PRELID2: variants seen among roughly 807,000 people sequenced by gnomAD.
The protein encoded by PRELID2 is PRELI domain containing 2.
In PRELID2, 25 loss-of-function variants were observed where a neutral mutation model predicts 28.4. The observed-to-expected ratio is 0.88, with a 90% CI of 0.64 to 1.23. The LOEUF (loss-of-function observed/expected upper bound fraction) is 1.23, where lower values mean the gene tolerates loss of function less well. Ranked by LOEUF, PRELID2 falls within the 50% of genes most tolerant of loss-of-function variation. PRELID2 has a pLI of 0.00. For synonymous variants in PRELID2, 76 were observed against 71.6 expected, an observed-to-expected ratio of 1.06 and a Z score of -0.31; for missense variants, 201 against 214.4, an observed-to-expected ratio of 0.94 and a Z score of 0.39.
chr5:145,275,304 A>G, the PRELID2 span, among the ~76,000 whole-genome samples: 1 of 152,076 alleles, frequency 6.6e-6, no homozygotes, highest in Non-Finnish European at 1.5e-5. Flanking sequence ...GGCATCCAAT[A>G]AGGGATTGTA....
At chr5:145,362,545 T>C in the PRELID2 span, among the ~76,000 whole-genome samples, 1 of 152,126 alleles carries the variant, frequency 6.6e-6, no homozygotes, top group Non-Finnish European at 1.5e-5. Flanking sequence ...GAACCTGGTA[T>C]ATAATATGCA....
At chr5:145,343,493 C>T in the PRELID2 span, among the ~76,000 whole-genome samples, 1 of 151,206 alleles carries the variant, frequency 6.6e-6, no homozygotes, top group Non-Finnish European at 1.5e-5. Context: ...CATAACATGT[C>T]AAAACCTGTG....
chr5:145,461,028 G>C, the PRELID2 span, among the ~76,000 whole-genome samples: 2 of 152,166 alleles, frequency 1.3e-5, no homozygotes, highest in South Asian at 4.1e-4. Flanking sequence ...TTGTGTGGGA[G>C]CAATTGATAA....
At position 145,782,144 on chromosome 5, in the gene PRELID2, T is replaced by C. The variant is rs150667596; in HGVS notation, c.474+14298A>G. On this transcript the variant is annotated intron_variant, in intron 5 of 6. Transcript: ENST00000683046. ...TTGAAGATGAGGACATTTTTCCCTA[T>C]AGTCTAACAAGTATCTACTTCAAAG... Among the ~76,000 whole-genome samples the C allele has an allele frequency of 6.9e-4, 105 of 152,270 alleles. 1 individual carries two copies. The East Asian group carries it at 0.017, about 24-fold the overall frequency.
intron 1 of PRELID2, among the ~76,000 whole-genome samples, chr5:145,691,471 C>T (rs111404289): frequency 0.034 from 5,165 of 152,018 alleles, 295 homozygotes; most frequent in African/African-American, 0.12. Context: ...GTTGGGAGGC[C>T]GAGGCAGGGG....
At chr5:145,257,550 G>T in the PRELID2 span, among the ~76,000 whole-genome samples, 2 of 152,104 alleles carry the variant, frequency 1.3e-5, no homozygotes, top group East Asian at 3.9e-4. Flanking sequence ...ATAAGTCGGA[G>T]ATTGCCAGAC....
chr5:145,640,343 G>T (rs561631634), intron 1 of PRELID2, among the ~76,000 whole-genome samples: 45 of 152,210 alleles, frequency 3.0e-4, no homozygotes, highest in Non-Finnish European at 5.7e-4. Context: ...GGGCGTGGTG[G>T]CGGGCGCCTG....
At chr5:145,611,172 AT>A (rs1017277061) in intron 1 of PRELID2, among the ~76,000 whole-genome samples, 26 of 149,142 alleles carry the variant, frequency 1.7e-4, no homozygotes, top group South Asian at 8.5e-4. Flanking sequence ...AGCAAGGTCA[AT>A]TTTTTTTTTA....
In PRELID2 at chr5:145,601,401, T is replaced by C. The variant is rs920986368; in HGVS notation, n.71-128086A>G. Among the ~76,000 whole-genome samples, 74 of 151,978 alleles carry C rather than the reference T, an allele frequency of 4.9e-4. 1 individual carries two copies. The highest frequency in any genetic ancestry group is 1.5e-5 in the Non-Finnish European group (1 of 68,010). ...CCAGCCCCGTTGATGGTTTTAGAAA[T>C]ATCAAAATAAGTCTAATTAGAATCC... On this transcript the variant is annotated intron_variant and non_coding_transcript_variant, in intron 1 of 2. Transcript: ENST00000510259.
chr5:145,234,094 C>G, the PRELID2 span, among the ~76,000 whole-genome samples: 1 of 152,108 alleles, frequency 6.6e-6, no homozygotes, highest in Non-Finnish European at 1.5e-5. Flanking sequence ...AGGTTATATG[C>G]AAGAGAATAT....
chr5:145,480,057 T>C (rs2126615887), intron 1 of PRELID2, among the ~76,000 whole-genome samples: 1 of 152,360 alleles, frequency 6.6e-6, no homozygotes, highest in African/African-American at 2.4e-5. Flanking sequence ...GACTCAAGCA[T>C]TAGCTTGCTC....
chr5:145,493,188 G>C (rs1325700233), intron 1 of PRELID2, among the ~76,000 whole-genome samples: 1 of 96,074 alleles, frequency 1.0e-5, no homozygotes, highest in East Asian at 2.4e-4. Context: ...GGTGGGATGA[G>C]CCCTGGAGAG....
the PRELID2 span, among the ~76,000 whole-genome samples, chr5:145,256,979 G>C: frequency 6.6e-6 from 1 of 151,814 alleles, no homozygotes; most frequent in Non-Finnish European, 1.5e-5. Flanking sequence ...TACATGAAGT[G>C]TTTTTAAAAA....
chr5:145,264,969 TAAAAAAAA>T, the PRELID2 span, among the ~76,000 whole-genome samples: 60 of 56,882 alleles, frequency 1.1e-3, no homozygotes, highest in African/African-American at 3.4e-3. Flanking sequence ...AGTGCAACTC[TAAAAAAAA>T]AAAAAAAAAA....
At chr5:145,817,198 A>AAAAAAAAAAAATATATAT (rs1365517052) in intron 4 of PRELID2, among the ~76,000 whole-genome samples, 1 of 70,082 alleles carries the variant, frequency 1.4e-5, no homozygotes, top group Non-Finnish European at 3.3e-5. Context: ...TTCAAAAAAA[A>AAAAAAAAAAAATATATAT]ATAAATAAAT....
intron 1 of PRELID2, among the ~76,000 whole-genome samples, chr5:145,573,873 GAA>G (rs1049388244): frequency 2.6e-5 from 4 of 152,158 alleles, no homozygotes; most frequent in African/African-American, 9.7e-5. Context: ...TTGCCTCCAA[GAA>G]AAGAGGAGAG....
In PRELID2 at chr5:145,768,080, C is replaced by T. The variant is rs185344111; in HGVS notation, c.475-3080G>A. ...TCTCTACTAAAAATACAAAAGTTAG[C>T]TGGGCGTGGTGGTGGGTGCCTGTAG... On this transcript the variant is annotated intron_variant, in intron 5 of 6. Transcript: ENST00000683046. Among the ~76,000 whole-genome samples, 1,385 of 151,994 alleles carry T rather than the reference C, an allele frequency of 9.1e-3. 21 individuals carry two copies. Among genetic ancestry groups the T allele is most frequent in the African/African-American group, 0.032 (1,330 of 41,474 alleles).
At chr5:145,532,934 A>G (rs1752667043) in intron 1 of PRELID2, among the ~76,000 whole-genome samples, 1 of 152,106 alleles carries the variant, frequency 6.6e-6, no homozygotes, top group African/African-American at 2.4e-5. Flanking sequence ...AGAATTGCAG[A>G]TGTCTCTTCA....
chr5:145,477,792 T>C (rs1177980329), intron 1 of PRELID2, among the ~76,000 whole-genome samples: 2 of 151,938 alleles, frequency 1.3e-5, no homozygotes, highest in African/African-American at 4.8e-5. Flanking sequence ...CCTGGGTCAG[T>C]GGCATGTATA....
Sources: allele counts gnomAD v4.1 joint callset (sites outside exome capture counted in the v4.1 genomes callset), GRCh38; gene constraint gnomAD v4.1.1; transcripts MANE v1.5; gene names NCBI Gene and HGNC (gene_info 2026-07-23, HGNC 2026-07-21).